The following FYB2 variants were observed in gnomAD, a reference collection of about 807,000 sequenced individuals.
FYB2 encodes FYN binding protein 2.
Under a neutral mutation model 94.1 loss-of-function variants are expected in FYB2, and 103 were observed. The observed-to-expected ratio is 1.09, with a 90% confidence interval of 0.93 to 1.29. The LOEUF is 1.29. Among genes scored for constraint, FYB2 ranks in the 50% most tolerant of loss-of-function variants. The pLI is 0.00. For synonymous variants in FYB2, 293 were observed against 287.9 expected, an observed-to-expected ratio of 1.02 and a Z score of -0.18; for missense variants, 896 against 841.5, an observed-to-expected ratio of 1.06 and a Z score of -0.80.
intron 1 of FYB2, among the ~76,000 whole-genome samples, chr1:56,810,802 G>A (rs1256787961): frequency 6.6e-6 from 1 of 152,122 alleles, no homozygotes; most frequent in East Asian, 1.9e-4. Flanking sequence ...ATTAACAAGA[G>A]GAAATAATAA....
At chr1:56,794,686 G>A (rs74073568) in intron 1 of FYB2, among the ~76,000 whole-genome samples, 3,320 of 151,618 alleles carry the variant, frequency 0.022, 120 homozygotes, top group African/African-American at 0.076. Flanking sequence ...ACACACACAC[G>A]CACAGGCACA....
At position 56,792,640 on chromosome 1, in the gene FYB2, T is replaced by C. The variant is rs146849613; in HGVS notation, c.173A>G (p.Asn58Ser). The C allele has an allele frequency of 4.1e-5, 66 of 1,613,878 alleles. No individual in the cohort carries two copies. In the Middle Eastern group the frequency reaches 9.9e-4, roughly 24 times the overall value. ...ILANGKPLSS[N>S]HKQRTPYCSS... ...ACAGTATGGTGTGCGCTGCTTGTGG[T>C]TGGATGAGAGGGGTTTCCCATTGGC... Residue 58 changes from asparagine to serine, a missense_variant, in exon 2 of 20, where the codon AAC becomes AGC. Transcript: ENST00000343433.
rs1240370227 is a variant in FYB2 at position 56,805,860 on chromosome 1, T to C, written c.10-13057A>G. ...TGCTCCTCCTTGCCTTCTGCCATGATTGTGAGGCCTCCCCAGCCATATGGA... is the reference window on the plus strand; with the variant it reads ...TGCTCCTCCTTGCCTTCTGCCATGACTGTGAGGCCTCCCCAGCCATATGGA... On this transcript the variant is annotated intron_variant, in intron 1 of 19. Transcript: ENST00000343433. 3.9e-5 allele frequency among the ~76,000 whole-genome samples: 6 copies of C among 152,278 alleles called. No individual in the cohort carries two copies. The South Asian group carries it at 1.0e-3, about 26-fold the overall frequency.
intron 9 of FYB2, among the ~76,000 whole-genome samples, chr1:56,750,762 A>G (rs1557607920): frequency 6.6e-6 from 1 of 151,980 alleles, no homozygotes; most frequent in Non-Finnish European, 1.5e-5. Context: ...TGAGGTCCAT[A>G]TTATGATGAT....
rs11415687 is a variant in FYB2, at chr1:56,816,863, CT to C, written c.9+2418del. On this transcript the variant is annotated intron_variant, in intron 1 of 19. Coordinates refer to ENST00000343433, the MANE Select transcript of FYB2 (RefSeq NM_001004303.5). The stretch of plus-strand genomic sequence containing the variant: ...ACAAGTTGGAGTCATCAACAATTTT[CT>C]TTTTTTTTTTTTTGTCTAATCCATT... 8.6e-3 allele frequency among the ~76,000 whole-genome samples: 1,202 copies of C among 140,052 alleles called. 6 individuals are homozygous for C. Among genetic ancestry groups the C allele is most frequent in the African/African-American group, 0.027 (969 of 36,518 alleles). The allele number at this position is 140,052 out of a possible 152,430, so 91.9% of individuals were successfully genotyped here.
rs1003357354 is a variant in FYB2 at position 56,720,432 on chromosome 1, A to G, written c.1975-103T>C. On this transcript the variant is annotated intron_variant, in intron 17 of 19. Coordinates refer to ENST00000343433, the MANE Select transcript of FYB2 (RefSeq NM_001004303.5). ...ATAGTAACTTCAAAATTAACTCAAG[A>G]TACTATTGACTAGTTAAATAACACA... 8 of 1,077,708 alleles carry G rather than the reference A, an allele frequency of 7.4e-6. No individual in the cohort carries two copies. In the African/African-American group the frequency reaches 1.1e-4, roughly 15 times the overall value. The allele number at this position is 1,077,708 out of a possible 1,614,324, so 66.8% of individuals were successfully genotyped here.
the FYB2 span, among the ~76,000 whole-genome samples, chr1:56,825,875 A>G: frequency 0.24 from 35,815 of 152,032 alleles, 4,437 homozygotes; most frequent in Middle Eastern, 0.29. Context: ...ACAAGACCAT[A>G]ATTTAATCAA....
At chr1:56,782,162 T>C (rs1349369336) in intron 4 of FYB2, among the ~76,000 whole-genome samples, 1 of 152,174 alleles carries the variant, frequency 6.6e-6, no homozygotes, top group African/African-American at 2.4e-5. Context: ...CAATAGATTA[T>C]TGTTAATTAT....
At chr1:56,723,877 A>G (rs1644534749) in intron 16 of FYB2, among the ~76,000 whole-genome samples, 196 bp from the exon 17 acceptor site, 2 of 152,030 alleles carry the variant, frequency 1.3e-5, no homozygotes, top group Non-Finnish European at 1.5e-5. Flanking sequence ...TCATAATACA[A>G]ATACACACAT....
intron 5 of FYB2, among the ~76,000 whole-genome samples, chr1:56,763,472 T>G (rs1645548012): frequency 6.6e-6 from 1 of 152,184 alleles, no homozygotes; most frequent in African/African-American, 2.4e-5. Context: ...TTGAGTGAGT[T>G]GTGGTAATTT....
chr1:56,794,045 C>T (rs1214942564), intron 1 of FYB2, among the ~76,000 whole-genome samples: 1 of 152,188 alleles, frequency 6.6e-6, no homozygotes, highest in African/African-American at 2.4e-5. Flanking sequence ...GTGCCTGACA[C>T]ATAGTAGGCC....
chr1:56,770,052 C>A (rs542115250), intron 4 of FYB2, among the ~76,000 whole-genome samples: 1 of 151,944 alleles, frequency 6.6e-6, no homozygotes, highest in Non-Finnish European at 1.5e-5. Context: ...AGGGTACACA[C>A]GAATGCGTAT....
chr1:56,787,914 T>C (rs1646169093), intron 3 of FYB2, among the ~76,000 whole-genome samples: 1 of 152,236 alleles, frequency 6.6e-6, no homozygotes, highest in South Asian at 2.1e-4. Context: ...TTTGGAGCTG[T>C]CCATATCAGT....
chr1:56,725,854 C>A (rs1355379439), intron 16 of FYB2, among the ~76,000 whole-genome samples: 1 of 152,012 alleles, frequency 6.6e-6, no homozygotes, highest in Non-Finnish European at 1.5e-5. Context: ...ACTATTTAAG[C>A]AAATATTTCC....
upstream of FYB2, among the ~76,000 whole-genome samples, chr1:56,821,674 G>A (rs183079989): frequency 3.7e-4 from 56 of 152,298 alleles, no homozygotes; most frequent in Non-Finnish European, 2.1e-4. Context: ...TCAATGGTTG[G>A]TGGCTGTGTC....
At chr1:56,779,743 T>C (rs981099639) in intron 4 of FYB2, among the ~76,000 whole-genome samples, 5 of 152,186 alleles carry the variant, frequency 3.3e-5, no homozygotes, top group East Asian at 1.9e-4. Context: ...TTACTAGGTC[T>C]TGTAAAAATA....
intron 4 of FYB2, 51 bp downstream of exon 4, chr1:56,787,124 T>A (rs763535040): frequency 1.4e-4 from 220 of 1,602,216 alleles, no homozygotes; most frequent in Non-Finnish European, 1.8e-4. Context: ...GCAGTCTAAG[T>A]AGCCTCTGTG....
the FYB2 span, among the ~76,000 whole-genome samples, chr1:56,825,717 TACTC>T: frequency 6.6e-6 from 1 of 152,176 alleles, no homozygotes; most frequent in Admixed American, 6.5e-5. Context: ...TGAATGTACT[TACTC>T]ATTCATCCAA....
At chr1:56,784,403 C>T (rs936775534) in intron 4 of FYB2, among the ~76,000 whole-genome samples, 1 of 152,102 alleles carries the variant, frequency 6.6e-6, no homozygotes, top group Admixed American at 6.6e-5. Flanking sequence ...CCTACGTATA[C>T]CATTTATAAT....
Sources: allele counts gnomAD v4.1 joint callset (sites outside exome capture counted in the v4.1 genomes callset), GRCh38; gene constraint gnomAD v4.1.1; transcripts MANE v1.5; gene names NCBI Gene and HGNC (gene_info 2026-07-23, HGNC 2026-07-21).